BRCA2: variants seen among roughly 807,000 people sequenced by gnomAD.
The protein encoded by BRCA2 is breast cancer type 2 susceptibility protein.
BRCA2 carries 203 observed loss-of-function variants against 276.7 expected under a neutral mutation model. The observed-to-expected ratio is 0.73, with a 90% CI of 0.65 to 0.82. BRCA2 has a LOEUF of 0.82. Among genes scored for constraint, BRCA2 ranks in the 40% least tolerant of loss-of-function variants. The pLI is 0.00. For synonymous variants in BRCA2, 1,289 were observed against 1,338.4 expected, an observed-to-expected ratio of 0.96 and a Z score of 0.81; for missense variants, 3,920 against 3,915.0, an observed-to-expected ratio of 1.00 and a Z score of -0.03.
rs1268066075 is a variant in BRCA2, at chr13:32,316,414, T to C, written c.-39-8T>C. On this transcript the variant is annotated splice_region_variant and splice_polypyrimidine_tract_variant and intron_variant, in intron 1 of 26. Transcript: ENST00000380152. Reference sequence around the variant, plus strand: ...TGTGTAAGTGCATTTTGGTCTTCTGTTTTGCAGACTTATTTACCAAGCATT... The same window carrying C: ...TGTGTAAGTGCATTTTGGTCTTCTGCTTTGCAGACTTATTTACCAAGCATT... 6.4e-7 allele frequency: 1 copy of C among 1,554,516 alleles called. No homozygotes were observed. Among genetic ancestry groups the C allele is most frequent in the African/African-American group, 1.4e-5 (1 of 73,398 alleles).
At chr13:32,375,734 A>T (rs943510108) in intron 20 of BRCA2, among the ~76,000 whole-genome samples, 1 of 151,888 alleles carries the variant, frequency 6.6e-6, no homozygotes. Context: ...CTAATTTTGT[A>T]TTTTTAGTAG....
rs398122558 is a variant in BRCA2 at position 32,340,830 on chromosome 13, C to G, written c.6475C>G (p.Gln2159Glu). ...IKVSPYLSQF[Q>E]QDKQQLVLGT... ...AGTTTCTCCATATCTCTCTCAATTT[C>G]AACAAGACAAACAACAGTTGGTATT... The change falls in exon 11 of 27, where the codon CAA (glutamine) becomes GAA (glutamate). Residue 2159 changes from glutamine (Q) to glutamate (E), a missense_variant. Transcript: ENST00000380152. 1.0e-5 allele frequency: 16 copies of G among 1,590,172 alleles called. No individual in the cohort carries two copies. In the Admixed American group the frequency reaches 2.6e-4, roughly 26 times the overall value.
At chr13:32,379,627 G>A (rs2072905670) in intron 22 of BRCA2, 112 bp downstream of exon 22, 1 of 1,512,304 alleles carries the variant, frequency 6.6e-7, no homozygotes, top group Non-Finnish European at 9.1e-7. Context: ...TATCAGAGAA[G>A]CAAAATCCAC....
At chr13:32,349,924 A>G (rs1384855794) in intron 13 of BRCA2, among the ~76,000 whole-genome samples, 1 of 152,114 alleles carries the variant, frequency 6.6e-6, no homozygotes, top group African/African-American at 2.4e-5. Flanking sequence ...AGGATACAGT[A>G]GAAGGTGAAC....
intron 18 of BRCA2, among the ~76,000 whole-genome samples, chr13:32,366,354 T>C (rs755081231): frequency 6.6e-6 from 1 of 152,354 alleles, no homozygotes; most frequent in African/African-American, 2.4e-5. Context: ...GTATGTTGTA[T>C]GTGTATACTC....
intron 24 of BRCA2, among the ~76,000 whole-genome samples, chr13:32,392,398 A>G (rs1290999024): frequency 6.6e-6 from 1 of 152,046 alleles, no homozygotes; most frequent in Non-Finnish European, 1.5e-5. Flanking sequence ...GAATTTTATA[A>G]CTCTTGGCTA....
chr13:32,369,272 G>T (rs867408129), intron 18 of BRCA2, among the ~76,000 whole-genome samples: 12 of 151,808 alleles, frequency 7.9e-5, no homozygotes, highest in Non-Finnish European at 1.8e-4. Context: ...TTTTTAGTAT[G>T]AGGGAGAGAC....
chr13:32,340,009 G>A lies in BRCA2; in HGVS notation c.5654G>A (p.Cys1885Tyr), dbSNP rs876660854. The part of the protein sequence containing the change: ...KENNENKSKI[C>Y]QTKIMAGCYE... ...AACAACGAGAATAAATCAAAAATTT[G>A]CCAAACGAAAATTATGGCAGGTTGT... Residue 1885 changes from cysteine (C) to tyrosine (Y), a missense_variant, in exon 11 of 27, where the codon TGC becomes TAC. This residue lies in a region of BRCA2 where 3,263 missense variants were observed against 3,156.9 expected (regional missense o/e 1.03). Transcript: ENST00000380152. 6.2e-7 allele frequency: 1 copy of A among 1,612,884 alleles called. No individual in the cohort carries two copies. Among genetic ancestry groups the A allele is most frequent in the Non-Finnish European group, 8.5e-7 (1 of 1,179,660 alleles).
rs80358468 is a variant in BRCA2, at chr13:32,333,292, T to A, written c.1814T>A (p.Ile605Lys). ...GAAACATCTTATAAAGGAAAAAAAA[T>A]ACCGAAAGACCAAAAATCAGAACTA... ...HDETSYKGKK[I>K]PKDQKSELIN... is the part of the protein sequence containing the mutation. The change falls in exon 10 of 27, where the codon ATA (isoleucine) becomes AAA (lysine). Residue 605 changes from isoleucine to lysine, a missense_variant. This residue lies in a region of BRCA2 where 3,263 missense variants were observed against 3,156.9 expected (regional missense o/e 1.03). Coordinates refer to ENST00000380152, the MANE Select transcript of BRCA2 (RefSeq NM_000059.4). The A allele has an allele frequency of 6.2e-7, 1 of 1,604,938 alleles. No individual in the cohort carries two copies. The highest frequency in any genetic ancestry group is 8.5e-7 in the Non-Finnish European group (1 of 1,177,424).
chr13:32,383,388 G>T (rs1484632878), intron 24 of BRCA2, among the ~76,000 whole-genome samples: 1 of 152,060 alleles, frequency 6.6e-6, no homozygotes, highest in East Asian at 1.9e-4. Flanking sequence ...TTGAAGGTTT[G>T]AGAGAAGAGG....
rs1555284121 is a variant in BRCA2 at position 32,339,580 on chromosome 13, AC to A, written c.5226del (p.Asn1742LysfsTer35). The A allele has an allele frequency of 6.2e-7, 1 of 1,610,102 alleles. No homozygotes were observed. The highest frequency in any genetic ancestry group is 1.1e-5 in the South Asian group (1 of 90,592). On this transcript the variant is annotated frameshift_variant, in exon 11 of 27. Transcript: ENST00000380152. LOFTEE classifies it high-confidence loss of function. ...GAAAAACAAGATACTTATTTAAGTAACAGTAGCATGTCTAACAGCTATTCCT... is the reference window on the plus strand; with the variant it reads ...GAAAAACAAGATACTTATTTAAGTAAAGTAGCATGTCTAACAGCTATTCCT... Reference protein sequence around the residue: ...LSEKQDTYLSNSSMSNSYSYH... With the variant: ...LSEKQDTYLSXSSMSNSYSYH...
At chr13:32,345,355 C>T (rs1369672143) in intron 12 of BRCA2, among the ~76,000 whole-genome samples, 1 of 151,996 alleles carries the variant, frequency 6.6e-6, no homozygotes, top group Non-Finnish European at 1.5e-5. Context: ...CAAATATCAA[C>T]AGTGAAAAGG....
intron 25 of BRCA2, among the ~76,000 whole-genome samples, chr13:32,395,800 A>G (rs2073031508): frequency 6.6e-6 from 1 of 152,202 alleles, no homozygotes; most frequent in Non-Finnish European, 1.5e-5. Flanking sequence ...TAGCTGTATA[A>G]AGAAAGCTGT....
chr13:32,364,078 A>C (rs1479456591), intron 18 of BRCA2, among the ~76,000 whole-genome samples: 1 of 152,198 alleles, frequency 6.6e-6, no homozygotes, highest in Non-Finnish European at 1.5e-5. Flanking sequence ...AATGTTTTAT[A>C]AATTAAACAT....
At chr13:32,318,596 C>T (rs1445257515) in intron 2 of BRCA2, among the ~76,000 whole-genome samples, 2 of 152,084 alleles carry the variant, frequency 1.3e-5, no homozygotes, top group Admixed American at 6.6e-5. Flanking sequence ...CGTGTGCCAC[C>T]ATGCTTGGCT....
At chr13:32,376,526 A>G (rs1198817763) in intron 20 of BRCA2, 144 bp from the exon 21 acceptor site, 2 of 964,908 alleles carry the variant, frequency 2.1e-6, no homozygotes, top group African/African-American at 3.3e-5. Flanking sequence ...TGTCTCAAAA[A>G]AAAAAAAAAG....
chr13:32,335,637 AATTTT>A (rs1210476828), intron 10 of BRCA2, among the ~76,000 whole-genome samples: 1 of 152,052 alleles, frequency 6.6e-6, no homozygotes, highest in Non-Finnish European at 1.5e-5. Context: ...AAATTTTTTC[AATTTT>A]ATTTTCCAAT....
intron 14 of BRCA2, among the ~76,000 whole-genome samples, 191 bp downstream of exon 14, chr13:32,355,479 G>T (rs949706175): frequency 6.6e-6 from 1 of 152,004 alleles, no homozygotes; most frequent in Non-Finnish European, 1.5e-5. Context: ...ACTTCTTGTG[G>T]ACTTGTTAAA....
At chr13:32,329,315 G>C (rs1028365030) in intron 7 of BRCA2, 128 bp from the exon 8 acceptor site, 12 of 656,002 alleles carry the variant, frequency 1.8e-5, no homozygotes, top group Non-Finnish European at 3.2e-5. Context: ...TTAAGTACTT[G>C]AATCAATTCA....
Sources: allele counts gnomAD v4.1 joint callset (sites outside exome capture counted in the v4.1 genomes callset), GRCh38; gene constraint gnomAD v4.1.1; regional missense constraint gnomAD v4.1.1; transcripts MANE v1.5; gene names NCBI Gene and HGNC (gene_info 2026-07-23, HGNC 2026-07-21).